The following NOL4L variants were observed in gnomAD, a reference collection of about 807,000 sequenced individuals.
NOL4L encodes the protein nucleolar protein 4-like.
A neutral mutation model predicts 64.5 loss-of-function variants in NOL4L; 7 were observed. The ratio of observed to expected loss-of-function variants is 0.11; its 90% CI spans 0.06 to 0.20. NOL4L has a LOEUF of 0.20. Ranked by LOEUF, NOL4L falls within the 10% of genes least tolerant of loss-of-function variation. NOL4L has a pLI of 1.00. For synonymous variants in NOL4L, 413 were observed against 401.0 expected, an observed-to-expected ratio of 1.03 and a Z score of -0.36; for missense variants, 680 against 967.1, an observed-to-expected ratio of 0.70 and a Z score of 3.94.
chr20:32,506,181 T>C (rs1408468000), intron 4 of NOL4L, among the ~76,000 whole-genome samples: 1 of 152,110 alleles, frequency 6.6e-6, no homozygotes, highest in Non-Finnish European at 1.5e-5. Context: ...TGATCCCTAG[T>C]GCTGACTGAG....
In NOL4L at chr20:32,584,712, C is replaced by T; in HGVS notation, c.179G>A (p.Gly60Asp). The change falls in exon 1 of 11, where the codon GGC becomes GAC. Residue 60 changes from glycine (G) to aspartate (D), a missense_variant. Gly to Asp is a moderately conservative substitution (Grantham distance 94). Coordinates refer to ENST00000621426, the MANE Select transcript of NOL4L (RefSeq NM_001256798.2). ...QRIAEVLQGG[G>D]GTGAGSGPAA... Reference sequence around the variant, plus strand: ...GGGGCCGCTGCCCGCGCCAGTCCCGCCGCCGCCCTGCAGGACCTCGGCGAT... The same window carrying T: ...GGGGCCGCTGCCCGCGCCAGTCCCGTCGCCGCCCTGCAGGACCTCGGCGAT... The T allele has an allele frequency of 6.5e-7, 1 of 1,548,460 alleles. No homozygotes were observed. The highest frequency in any genetic ancestry group is 8.7e-7 in the Non-Finnish European group (1 of 1,145,896).
intron 1 of NOL4L, among the ~76,000 whole-genome samples, chr20:32,535,161 A>T (rs994150550): frequency 2.0e-5 from 3 of 152,060 alleles, no homozygotes; most frequent in African/African-American, 4.8e-5. Flanking sequence ...AGAAGCTGTC[A>T]TAATTTGTAA....
At chr20:32,461,131 A>G (rs1274138353) in intron 5 of NOL4L, among the ~76,000 whole-genome samples, 1 of 152,194 alleles carries the variant, frequency 6.6e-6, no homozygotes. Context: ...TCGGCCCCAC[A>G]AGCAGTGGAT....
At position 32,465,399 on chromosome 20, in the gene NOL4L, TG is replaced by T. The variant is rs1160450730; in HGVS notation, c.842-9005del. ...AGCCTTGATTTGCCCATCTGTACTG[TG>T]GGACAATTCCCTACCCCTGCTACCA... On this transcript the variant is annotated intron_variant, in intron 5 of 10. Transcript: ENST00000621426. Among the ~76,000 whole-genome samples the T allele has an allele frequency of 3.3e-5, 5 of 152,280 alleles. No homozygotes were observed. The South Asian group carries it at 1.0e-3, about 32-fold the overall frequency.
chr20:32,490,222 A>G (rs1025650607), intron 4 of NOL4L, among the ~76,000 whole-genome samples: 1 of 151,908 alleles, frequency 6.6e-6, no homozygotes, highest in Non-Finnish European at 1.5e-5. Context: ...GCTAGCATCC[A>G]TCTCTACCCC....
At chr20:32,499,281 TG>T (rs1330391801) in intron 4 of NOL4L, among the ~76,000 whole-genome samples, 1 of 152,194 alleles carries the variant, frequency 6.6e-6, no homozygotes, top group Non-Finnish European at 1.5e-5. Flanking sequence ...ATCCTGACAC[TG>T]GGCTCATGGT....
At chr20:32,502,203 A>G (rs943711611) in intron 4 of NOL4L, among the ~76,000 whole-genome samples, 12 of 152,258 alleles carry the variant, frequency 7.9e-5, no homozygotes, top group South Asian at 2.1e-4. Flanking sequence ...AGAGACAGCT[A>G]AAACATAAGA....
At chr20:32,565,362 C>T (rs528487317) in intron 1 of NOL4L, among the ~76,000 whole-genome samples, 7 of 152,320 alleles carry the variant, frequency 4.6e-5, no homozygotes, top group Admixed American at 4.6e-4. Flanking sequence ...TTACAACAGA[C>T]CTCCTGTCCC....
chr20:32,530,655 C>T (rs2018313495), intron 1 of NOL4L, among the ~76,000 whole-genome samples: 1 of 152,154 alleles, frequency 6.6e-6, no homozygotes, highest in African/African-American at 2.4e-5. Flanking sequence ...GGAATGGTGG[C>T]TCATGACTGT....
chr20:32,464,491 C>A lies in NOL4L; in HGVS notation c.842-8096G>T, dbSNP rs2014372810. Among the ~76,000 whole-genome samples, 1 of 152,230 alleles carries A rather than the reference C, an allele frequency of 6.6e-6. No homozygotes were observed. The highest frequency in any genetic ancestry group is 2.1e-4 in the South Asian group (1 of 4,836). On this transcript the variant is annotated intron_variant, in intron 5 of 10. Coordinates refer to ENST00000621426, the MANE Select transcript of NOL4L (RefSeq NM_001256798.2). The surrounding 1 kb of genome is among the most constrained non-coding windows in gnomAD (Gnocchi z 5.6). ...GCCTGGCCCGGCCCCAGCCACGGAG[C>A]AGGGAGCCCATGCCCCCCATCTGGG...
chr20:32,448,297 A>G (rs533103696), intron 10 of NOL4L, among the ~76,000 whole-genome samples: 5 of 152,170 alleles, frequency 3.3e-5, no homozygotes, highest in African/African-American at 9.7e-5. Context: ...CAGGGGCCCA[A>G]CACACCTGAG....
intron 4 of NOL4L, among the ~76,000 whole-genome samples, chr20:32,482,459 A>C (rs2015792015): frequency 6.6e-6 from 1 of 152,056 alleles, no homozygotes; most frequent in Non-Finnish European, 1.5e-5. Flanking sequence ...TCTGCTCCCG[A>C]GCGGCTGGAA....
rs1348238065 is a variant in NOL4L, at chr20:32,445,552, T to C, written c.*2044A>G. 6.6e-6 allele frequency: 1 copy of C among 152,194 alleles called. No individual in the cohort carries two copies. Among genetic ancestry groups the C allele is most frequent in the African/African-American group, 2.4e-5 (1 of 41,428 alleles). 9.4% of individuals were successfully genotyped at this position (152,194 alleles called of 1,614,324 possible). Reference sequence around the variant, plus strand: ...TTGTAGTATTGTTCACACACAAAAATAAATATTTACACGAATTCAAATGTT... The same window carrying C: ...TTGTAGTATTGTTCACACACAAAAACAAATATTTACACGAATTCAAATGTT... On this transcript the variant is annotated 3_prime_UTR_variant, in exon 11 of 11. Coordinates refer to ENST00000621426, the MANE Select transcript of NOL4L (RefSeq NM_001256798.2).
intron 3 of NOL4L, among the ~76,000 whole-genome samples, chr20:32,516,379 G>A (rs1266554867): frequency 1.3e-5 from 2 of 152,178 alleles, no homozygotes; most frequent in Admixed American, 1.3e-4. Context: ...TGGGGAACGT[G>A]AGGAAACTGT....
rs1477249711 is a variant in NOL4L at position 32,506,616 on chromosome 20, G to A, written c.699+4731C>T. Among the ~76,000 whole-genome samples, 12 of 152,174 alleles carry A rather than the reference G, an allele frequency of 7.9e-5. No individual in the cohort carries two copies. In the East Asian group the frequency reaches 1.4e-3, roughly 17 times the overall value. ...GCAGAGGTTGCAGTGAGCCGAGATC[G>A]CGCCATTGCACTCCAGCCTGGGCAA... On this transcript the variant is annotated intron_variant, in intron 4 of 10. Transcript: ENST00000621426.
In NOL4L at chr20:32,456,241, G is replaced by A. The variant is rs2013501813; in HGVS notation, c.996C>T (p.Pro332=). 1 of 1,607,926 alleles carries A rather than the reference G, an allele frequency of 6.2e-7. No homozygotes were observed. The highest frequency in any genetic ancestry group is 8.5e-7 in the Non-Finnish European group (1 of 1,177,172). ...MDFTTAAEDQ[P]INLCDKLPPA... ...GCGGGAGCTTGTCACACAGGTTGAT[G>A]GGCTGATCCTCGGCGGCCGTGGTGA... Residue 332 remains proline, a synonymous_variant, in exon 6 of 11, where the codon CCC becomes CCT. Coordinates refer to ENST00000621426, the MANE Select transcript of NOL4L (RefSeq NM_001256798.2).
intron 1 of NOL4L, 74 bp from the exon 2 acceptor site, chr20:32,527,987 C>A: frequency 8.7e-7 from 1 of 1,155,510 alleles, no homozygotes. Context: ...GAGGCCGGGG[C>A]AAGGGGTCAG....
At chr20:32,584,070 C>G (rs1980704898) in intron 1 of NOL4L, among the ~76,000 whole-genome samples, 1 of 144,528 alleles carries the variant, frequency 6.9e-6, no homozygotes, top group Non-Finnish European at 1.5e-5. Flanking sequence ...GCGGACTCCC[C>G]GTCCCGCGGC....
At chr20:32,477,567 T>C (rs1431869853) in intron 4 of NOL4L, among the ~76,000 whole-genome samples, 1 of 152,234 alleles carries the variant, frequency 6.6e-6, no homozygotes, top group Non-Finnish European at 1.5e-5. Context: ...GTGAGACTTG[T>C]TGAATCAACT....
Sources: gnomAD v4.1 joint callset for allele counts (sites outside exome capture counted in the v4.1 genomes callset) on GRCh38, gnomAD v4.1.1 for gene constraint, Gnocchi (gnomAD v3.1) non-coding constraint, MANE v1.5 for transcripts, NCBI Gene and HGNC (gene_info 2026-07-23, HGNC 2026-07-21) for gene names.